Variants in UGT1A10 observed in about 807,000 individuals in gnomAD.
UGT1A10 encodes the protein UDP-glucuronosyltransferase 1A10.
In UGT1A10, 49 loss-of-function variants were observed where a neutral mutation model predicts 45.8. That is an observed-to-expected ratio of 1.07 (90% confidence interval 0.85 to 1.36). UGT1A10 has a LOEUF of 1.36. UGT1A10 is among the 40% of genes most tolerant of loss of function. The pLI, the probability that UGT1A10 is intolerant of heterozygous loss-of-function variation, is 0.00. For missense variants in UGT1A10, 745 were observed against 668.6 expected, an observed-to-expected ratio of 1.11 and a Z score of -1.26; for synonymous variants, 284 against 249.7, an observed-to-expected ratio of 1.14 and a Z score of -1.29.
At chr2:233,719,412 C>G in intron 1 of UGT1A10, 1 of 1,613,976 alleles carries the variant, frequency 6.2e-7, no homozygotes, top group South Asian at 1.1e-5. Context: ...TCCTAAGTTA[C>G]TAACGACCAA....
At chr2:233,716,882 C>T (rs960107716) in intron 1 of UGT1A10, among the ~76,000 whole-genome samples, 1 of 152,106 alleles carries the variant, frequency 6.6e-6, no homozygotes, top group African/African-American at 2.4e-5. Flanking sequence ...ATCTGTGCAG[C>T]CCAGACCCCT....
intron 1 of UGT1A10, chr2:233,721,828 C>G (rs866134319): frequency 3.9e-6 from 2 of 516,354 alleles, no homozygotes; most frequent in Middle Eastern, 7.8e-4. Flanking sequence ...CTATTTGGGC[C>G]ACCGACCTTG....
chr2:233,760,042 T>C (rs1697309671), intron 1 of UGT1A10, among the ~76,000 whole-genome samples: 1 of 152,232 alleles, frequency 6.6e-6, no homozygotes, highest in African/African-American at 2.4e-5. Context: ...TACTTTGCTG[T>C]GTTCACTCAA....
At chr2:233,692,927 T>G in intron 1 of UGT1A10, 2 of 1,581,200 alleles carry the variant, frequency 1.3e-6, no homozygotes, top group Admixed American at 3.6e-5. Context: ...GTGGTTAGTT[T>G]AGGGAAAATA....
At chr2:233,674,147 T>C (rs1212951482) in intron 1 of UGT1A10, among the ~76,000 whole-genome samples, 1 of 152,194 alleles carries the variant, frequency 6.6e-6, no homozygotes, top group African/African-American at 2.4e-5. Flanking sequence ...CAAGGTTCAG[T>C]AGACTTGGTA....
chr2:233,713,411 C>G (rs1475467341), intron 1 of UGT1A10: 6 of 1,614,112 alleles, frequency 3.7e-6, no homozygotes, highest in Non-Finnish European at 5.1e-6. Flanking sequence ...TGATCAGGCA[C>G]CTGCATGCTA....
chr2:233,739,706 G>A (rs760194207), intron 1 of UGT1A10, among the ~76,000 whole-genome samples: 1 of 152,190 alleles, frequency 6.6e-6, no homozygotes, highest in Non-Finnish European at 1.5e-5. Context: ...ACAGGCTCAT[G>A]GGGGAAGGGA....
At chr2:233,672,482 G>T (rs746547264) in intron 1 of UGT1A10, 2 of 1,613,912 alleles carry the variant, frequency 1.2e-6, no homozygotes, top group Non-Finnish European at 1.7e-6. Context: ...GGTGCACAGT[G>T]CCCTGCTCCT....
intron 1 of UGT1A10, among the ~76,000 whole-genome samples, chr2:233,764,593 G>A (rs3771341): frequency 0.33 from 49,748 of 151,964 alleles, 8,444 homozygotes; most frequent in African/African-American, 0.4. Flanking sequence ...TTTTCCAGAT[G>A]AGCTTCAGTG....
intron 1 of UGT1A10, among the ~76,000 whole-genome samples, chr2:233,651,594 A>G (rs2073742942): frequency 6.6e-6 from 1 of 152,236 alleles, no homozygotes; most frequent in Non-Finnish European, 1.5e-5. Flanking sequence ...AGCCTTGGTT[A>G]CAACATACCT....
At chr2:233,765,715 T>C (rs1435382994) in intron 1 of UGT1A10, among the ~76,000 whole-genome samples, 2 of 140,082 alleles carry the variant, frequency 1.4e-5, no homozygotes, top group African/African-American at 6.4e-5. Flanking sequence ...TAATAATTAA[T>C]AATAATAATA....
intron 1 of UGT1A10, among the ~76,000 whole-genome samples, chr2:233,670,963 C>G (rs1160221916): frequency 6.6e-6 from 1 of 152,188 alleles, no homozygotes; most frequent in Non-Finnish European, 1.5e-5. Context: ...CCCTTTAAGG[C>G]TTGGAGGCTA....
chr2:233,727,765 T>C (rs2077651083), intron 1 of UGT1A10, among the ~76,000 whole-genome samples: 1 of 152,200 alleles, frequency 6.6e-6, no homozygotes. Context: ...TTGAGCTGGG[T>C]GTCCCCCAGT....
chr2:233,750,953 C>T (rs1348696377), intron 1 of UGT1A10, among the ~76,000 whole-genome samples: 2 of 151,802 alleles, frequency 1.3e-5, no homozygotes, highest in Non-Finnish European at 2.9e-5. Context: ...ACAGAGTCTC[C>T]ACTGGGGCAC....
intron 1 of UGT1A10, among the ~76,000 whole-genome samples, chr2:233,666,891 C>G (rs576295433): frequency 6.7e-6 from 1 of 149,728 alleles, no homozygotes; most frequent in East Asian, 2.0e-4. Flanking sequence ...TGAGTGAGAA[C>G]ATGCGGTGTT....
At chr2:233,717,743 G>T (rs182116418) in intron 1 of UGT1A10, 1 of 456,536 alleles carries the variant, frequency 2.2e-6, no homozygotes, top group East Asian at 6.9e-5. Context: ...AGTGCTCAGG[G>T]TCTCCCCCTA....
intron 1 of UGT1A10, among the ~76,000 whole-genome samples, chr2:233,700,016 G>A (rs1422115779): frequency 4.6e-5 from 7 of 152,224 alleles, no homozygotes; most frequent in African/African-American, 1.7e-4. Context: ...CACGAGTGCT[G>A]AAATTGAGAA....
At chr2:233,725,835 C>T (rs141517259) in intron 1 of UGT1A10, among the ~76,000 whole-genome samples, 2 of 152,170 alleles carry the variant, frequency 1.3e-5, no homozygotes, top group African/African-American at 4.8e-5. Flanking sequence ...ATTGCTACTC[C>T]TATGTTATTT....
intron 4 of UGT1A10, chr2:233,771,329 T>A (rs751904173): frequency 3.9e-5 from 6 of 152,320 alleles, no homozygotes; most frequent in Middle Eastern, 6.8e-3. Flanking sequence ...TTCAATCTCC[T>A]CTTCATTCCT....
Sources: gnomAD v4.1 joint callset for allele counts (sites outside exome capture counted in the v4.1 genomes callset) on GRCh38, gnomAD v4.1.1 for gene constraint, MANE v1.5 for transcripts, NCBI Gene and HGNC (gene_info 2026-07-23, HGNC 2026-07-21) for gene names.